GLCE: variants seen among roughly 807,000 people sequenced by gnomAD.
GLCE encodes D-glucuronyl C5-epimerase.
In GLCE, 19 loss-of-function variants were observed where a neutral mutation model predicts 47.9. The ratio of observed to expected loss-of-function variants is 0.40; its 90% CI spans 0.28 to 0.58. GLCE has a LOEUF of 0.58. GLCE is among the 20% of genes least tolerant of loss of function. The probability of loss-of-function intolerance (pLI) is 0.48; values close to 1 mark genes in which losing one functional copy is unlikely to be tolerated. For missense variants in GLCE, 556 were observed against 743.3 expected (o/e 0.75, Z 2.93); for synonymous variants, 245 against 263.4 (o/e 0.93, Z 0.68).
chr15:69,252,698 A>T (rs574019020), intron 2 of GLCE, among the ~76,000 whole-genome samples: 97 of 152,260 alleles, frequency 6.4e-4, no homozygotes, highest in African/African-American at 2.1e-3. Context: ...ATATTTCTAT[A>T]TTAGTTGGTC....
At chr15:69,208,568 C>T (rs1421804991) in intron 1 of GLCE, among the ~76,000 whole-genome samples, 2 of 152,006 alleles carry the variant, frequency 1.3e-5, no homozygotes, top group African/African-American at 2.4e-5. Context: ...ATAATTCCTT[C>T]AACTTTATTC....
At chr15:69,169,340 G>A (rs997263661) in intron 1 of GLCE, among the ~76,000 whole-genome samples, 23 of 152,136 alleles carry the variant, frequency 1.5e-4, no homozygotes, top group African/African-American at 5.6e-4. Context: ...TTTTGGCAAA[G>A]CGCTTCATTT....
At chr15:69,246,745 T>C (rs1263500939) in intron 2 of GLCE, among the ~76,000 whole-genome samples, 1 of 149,012 alleles carries the variant, frequency 6.7e-6, no homozygotes, top group African/African-American at 2.5e-5. Flanking sequence ...GACATGAAAG[T>C]CAAATTGCTT....
intron 1 of GLCE, among the ~76,000 whole-genome samples, chr15:69,207,160 C>G (rs72754391): frequency 6.6e-6 from 1 of 152,056 alleles, no homozygotes; most frequent in Non-Finnish European, 1.5e-5. Flanking sequence ...TACCCTACCC[C>G]CTTTAGTTGG....
chr15:69,189,848 G>A (rs1052956372), intron 1 of GLCE, among the ~76,000 whole-genome samples: 1 of 151,774 alleles, frequency 6.6e-6, no homozygotes, highest in Admixed American at 6.6e-5. Context: ...AAGTTCAGGG[G>A]TACATGTGCA....
intron 1 of GLCE, among the ~76,000 whole-genome samples, chr15:69,180,395 T>TA (rs200606762): frequency 0.012 from 1,758 of 151,782 alleles, 27 homozygotes; most frequent in African/African-American, 0.038. Flanking sequence ...ATGAGTGAAT[T>TA]AAAAAAAATG....
Position 69,255,788 on chromosome 15 carries a change from C to T in GLCE, c.-13-6C>T. 6.6e-7 allele frequency: 1 copy of T among 1,524,646 alleles called. No individual in the cohort carries two copies. Among genetic ancestry groups the T allele is most frequent in the Non-Finnish European group, 9.1e-7 (1 of 1,104,868 alleles). The allele number at this position is 1,524,646 out of a possible 1,614,324, so 94.4% of individuals were successfully genotyped here. On this transcript the variant is annotated splice_region_variant and splice_polypyrimidine_tract_variant and intron_variant, in intron 2 of 4. Transcript: ENST00000261858. ...TGCATGATTTTTTTTCTTCTTGCCT[C>T]CATAGGTATGGTCTGAATATGCGTT...
At chr15:69,186,783 C>G (rs935073322) in intron 1 of GLCE, among the ~76,000 whole-genome samples, 1 of 152,146 alleles carries the variant, frequency 6.6e-6, no homozygotes, top group African/African-American at 2.4e-5. Flanking sequence ...AAGGTATCAA[C>G]TAGGTATTAT....
chr15:69,180,595 A>G (rs1363014265), intron 1 of GLCE, among the ~76,000 whole-genome samples: 4 of 152,214 alleles, frequency 2.6e-5, no homozygotes, highest in Admixed American at 6.5e-5. Flanking sequence ...TTCTAGGCCC[A>G]GGGAATAGCA....
intron 2 of GLCE, among the ~76,000 whole-genome samples, chr15:69,246,020 C>T (rs574215814): frequency 3.7e-4 from 56 of 152,320 alleles, no homozygotes; most frequent in African/African-American, 7.9e-4. Flanking sequence ...TGAGCCACCG[C>T]GCCCGGCCAG....
At chr15:69,211,827 A>G (rs1377649484) in intron 2 of GLCE, among the ~76,000 whole-genome samples, 1 of 152,016 alleles carries the variant, frequency 6.6e-6, no homozygotes, top group Non-Finnish European at 1.5e-5. Flanking sequence ...TTTGATTTGA[A>G]AACAGCCTCT....
chr15:69,226,633 A>G (rs952847444), intron 2 of GLCE, among the ~76,000 whole-genome samples: 2 of 152,048 alleles, frequency 1.3e-5, no homozygotes, highest in Non-Finnish European at 2.9e-5. Flanking sequence ...GATTGCATAG[A>G]AAGTATAAGA....
chr15:69,193,547 C>A (rs1202712563), intron 1 of GLCE, among the ~76,000 whole-genome samples: 1 of 151,962 alleles, frequency 6.6e-6, no homozygotes, highest in Non-Finnish European at 1.5e-5. Flanking sequence ...TCTCAAACTT[C>A]AGATTTTGCT....
At chr15:69,163,862 C>T (rs950643407) in intron 1 of GLCE, among the ~76,000 whole-genome samples, 5 of 151,986 alleles carry the variant, frequency 3.3e-5, no homozygotes, top group African/African-American at 1.2e-4. Flanking sequence ...GCCAGTTGTA[C>T]CCGTGTATAC....
At chr15:69,260,803 CA>C (rs1321986468) in intron 3 of GLCE, 9 of 326,128 alleles carry the variant, frequency 2.8e-5, no homozygotes, top group Non-Finnish European at 5.1e-5. Context: ...TAGCCATGAG[CA>C]AAAGTAACAC....
rs183709974 is a variant in GLCE, at chr15:69,256,432, A to G, written c.586+40A>G. ...GCTTCACTTGCATTTTTCAAGCATG[A>G]TTGTGTTGAGGAATAAGAAAATGTT... On this transcript the variant is annotated intron_variant, in intron 3 of 4. Transcript: ENST00000261858. 124 of 1,344,756 alleles carry G rather than the reference A, an allele frequency of 9.2e-5. No homozygotes were observed. The African/African-American group carries it at 1.7e-3, about 19-fold the overall frequency. 83.3% of individuals were successfully genotyped at this position (1,344,756 alleles called of 1,614,324 possible).
chr15:69,231,670 A>C lies in GLCE; in HGVS notation c.-14+21264A>C, dbSNP rs144027537. 3.0e-3 allele frequency among the ~76,000 whole-genome samples: 450 copies of C among 152,050 alleles called. 3 individuals are homozygous for C. Among genetic ancestry groups the C allele is most frequent in the African/African-American group, 9.9e-3 (412 of 41,466 alleles). Reference sequence around the variant, plus strand: ...CATCCTCAGCAAATGCCCTCATTTCATTTTGTTGTTGTTGTTTGTTCTCTA... The same window carrying C: ...CATCCTCAGCAAATGCCCTCATTTCCTTTTGTTGTTGTTGTTTGTTCTCTA... On this transcript the variant is annotated intron_variant, in intron 2 of 4. Coordinates refer to ENST00000261858, the MANE Select transcript of GLCE (RefSeq NM_015554.3).
At chr15:69,233,276 G>A in intron 2 of GLCE, among the ~76,000 whole-genome samples, 1 of 152,158 alleles carries the variant, frequency 6.6e-6, no homozygotes, top group Admixed American at 6.5e-5. Context: ...GCCCCCAAAA[G>A]TCTTGAAGTT....
chr15:69,263,435 T>C (rs2140451562), intron 4 of GLCE, among the ~76,000 whole-genome samples: 1 of 152,254 alleles, frequency 6.6e-6, no homozygotes, highest in East Asian at 1.9e-4. Flanking sequence ...GTCTTTTTTT[T>C]TTTCTTTCTT....
Sources: gnomAD v4.1 joint callset for allele counts (sites outside exome capture counted in the v4.1 genomes callset) on GRCh38, gnomAD v4.1.1 for gene constraint, MANE v1.5 for transcripts, NCBI Gene and HGNC (gene_info 2026-07-23, HGNC 2026-07-21) for gene names.